The following OASL variants were observed in gnomAD, a reference collection of about 807,000 sequenced individuals.
The protein encoded by OASL is 2'-5'-oligoadenylate synthetase like.
A neutral mutation model predicts 35.3 loss-of-function variants in OASL; 28 were observed. That is an observed-to-expected ratio of 0.79 (90% CI 0.59 to 1.09). The LOEUF is 1.09. OASL is among the 50% of genes least tolerant of loss of function. OASL has a pLI of 0.00. For synonymous variants in OASL, 252 were observed against 254.6 expected (o/e 0.99, Z 0.10); for missense variants, 620 against 635.2 (o/e 0.98, Z 0.26).
chr12:121,032,858 C>T (rs1038623732), intron 2 of OASL, among the ~76,000 whole-genome samples: 1 of 152,140 alleles, frequency 6.6e-6, no homozygotes, highest in African/African-American at 2.4e-5. Flanking sequence ...TCTGTGGTTA[C>T]CCAGGCCACC....
chr12:121,028,081 G>A (rs1047648434), intron 3 of OASL, among the ~76,000 whole-genome samples: 1 of 152,216 alleles, frequency 6.6e-6, no homozygotes, highest in African/African-American at 2.4e-5. Flanking sequence ...TGAGCAGATT[G>A]CGCTCGGTCA....
At chr12:121,038,278 C>T (rs1020542377) in intron 1 of OASL, among the ~76,000 whole-genome samples, 1 of 152,142 alleles carries the variant, frequency 6.6e-6, no homozygotes, top group East Asian at 1.9e-4. Flanking sequence ...CTTCAGTGTT[C>T]GTGTCCAAAC....
intron 3 of OASL, among the ~76,000 whole-genome samples, chr12:121,030,538 GCTGT>G: frequency 1.3e-5 from 2 of 151,986 alleles, no homozygotes; most frequent in East Asian, 3.9e-4. Flanking sequence ...CTTTCCTTCT[GCTGT>G]CTGATTCCCT....
chr12:121,022,608 C>T (rs1018599959), intron 5 of OASL, among the ~76,000 whole-genome samples: 4 of 152,210 alleles, frequency 2.6e-5, no homozygotes, highest in Non-Finnish European at 4.4e-5. Context: ...CGGGTCCCCC[C>T]GTTTATACTC....
At chr12:121,035,356 C>G (rs879816628) in intron 1 of OASL, among the ~76,000 whole-genome samples, 8 of 151,972 alleles carry the variant, frequency 5.3e-5, no homozygotes, top group Non-Finnish European at 1.2e-4. Context: ...GAAAGCACAT[C>G]TCTACTAAAA....
chr12:121,022,276 G>A (rs1464382709), intron 5 of OASL, among the ~76,000 whole-genome samples: 1 of 152,030 alleles, frequency 6.6e-6, no homozygotes, highest in East Asian at 1.9e-4. Context: ...TAGTAGAGAT[G>A]AGGTTTTACC....
intron 3 of OASL, 94 bp from the exon 4 acceptor site, chr12:121,027,911 T>A: frequency 9.3e-7 from 1 of 1,070,886 alleles, no homozygotes; most frequent in South Asian, 1.4e-5. Context: ...CAAGTTCTAG[T>A]CCTGGCTCTG....
At chr12:121,024,476 G>A (rs982366939) in intron 4 of OASL, among the ~76,000 whole-genome samples, 1 of 152,108 alleles carries the variant, frequency 6.6e-6, no homozygotes, top group Non-Finnish European at 1.5e-5. Context: ...AAATTAGCCA[G>A]GTGTGGTGGT....
upstream of OASL, chr12:121,039,243 A>G (rs28360475): frequency 0.21 from 101,781 of 485,024 alleles, 11,272 homozygotes; most frequent in Non-Finnish European, 0.24. Context: ...CGTCTAGTCA[A>G]TCTGTCATCA....
At chr12:121,031,506 A>G in exon 3 of OASL, 1 of 1,614,100 alleles carries the variant, frequency 6.2e-7, no homozygotes, top group East Asian at 2.2e-5. Context: ...ATGTTTCACG[A>G]AATTTCTCTG....
At chr12:121,032,685 G>A (rs866002381) in intron 2 of OASL, among the ~76,000 whole-genome samples, 10 of 152,198 alleles carry the variant, frequency 6.6e-5, no homozygotes, top group Middle Eastern at 3.4e-3. Context: ...TTTCCTGGGA[G>A]GAATACCCAA....
chr12:121,026,874 G>C (rs924924845), intron 4 of OASL, among the ~76,000 whole-genome samples: 5 of 150,956 alleles, frequency 3.3e-5, no homozygotes, highest in African/African-American at 7.3e-5. Flanking sequence ...AAAAAGTTAC[G>C]CAATGAGACC....
At position 121,031,579 on chromosome 12, in the gene OASL, A is replaced by G. The variant is rs1231167138; in HGVS notation, c.520T>C (p.Tyr174His). The stretch of plus-strand genomic sequence containing the variant: ...CCGCAGGCCTTGATCAGGCTCACAT[A>G]GACCTCAGGGGGTGGCTGGGAGTTG... The change falls in exon 3 of 6, where the codon TAT becomes CAT. Residue 174 changes from tyrosine (Y) to histidine (H), a missense_variant. Tyr to His is a moderately conservative substitution (Grantham distance 83). Transcript: ENST00000257570. 6.2e-7 allele frequency: 1 copy of G among 1,613,982 alleles called. No individual in the cohort carries two copies.
chr12:121,018,322 C>T (rs776278594), downstream of OASL, among the ~76,000 whole-genome samples: 4 of 152,016 alleles, frequency 2.6e-5, no homozygotes, highest in Non-Finnish European at 4.4e-5. Flanking sequence ...CTGTTGTAAC[C>T]GCTACATTGT....
intron 5 of OASL, among the ~76,000 whole-genome samples, chr12:121,022,618 C>T (rs1226063136): frequency 6.6e-6 from 1 of 152,208 alleles, no homozygotes; most frequent in Admixed American, 6.5e-5. Flanking sequence ...CGTTTATACT[C>T]TATGTACCTT....
chr12:121,020,767 C>G (rs773258108), exon 6 of OASL: 1 of 1,614,080 alleles, frequency 6.2e-7, no homozygotes, highest in Non-Finnish European at 8.5e-7. Context: ...ATGGCATAGG[C>G]GTAGCTCCCA....
chr12:121,035,757 G>A (rs1267471655), intron 1 of OASL, among the ~76,000 whole-genome samples: 1 of 152,096 alleles, frequency 6.6e-6, no homozygotes, highest in African/African-American at 2.4e-5. Context: ...GCTTCCAAGG[G>A]ACCATGGGCA....
At chr12:121,017,879 C>T (rs1869073967), downstream of OASL, among the ~76,000 whole-genome samples, 1 of 152,236 alleles carries the variant, frequency 6.6e-6, no homozygotes, top group South Asian at 2.1e-4. Context: ...ACAAAGTCCA[C>T]ATAAGCTTCT....
downstream of OASL, among the ~76,000 whole-genome samples, chr12:121,018,375 T>G (rs1869109001): frequency 6.6e-6 from 1 of 152,028 alleles, no homozygotes; most frequent in Non-Finnish European, 1.5e-5. Flanking sequence ...GTAGGTGTCT[T>G]CTGGCCCGCT....
Sources: gnomAD v4.1 joint callset for allele counts (sites outside exome capture counted in the v4.1 genomes callset) on GRCh38, gnomAD v4.1.1 for gene constraint, MANE v1.5 for transcripts, NCBI Gene and HGNC (gene_info 2026-07-23, HGNC 2026-07-21) for gene names.